PCSK6: variants seen among roughly 807,000 people sequenced by gnomAD.
The protein encoded by PCSK6 is proprotein convertase subtilisin/kexin type 6.
Under a neutral mutation model 123.3 loss-of-function variants are expected in PCSK6, and 85 were observed. The ratio of observed to expected loss-of-function variants is 0.69; its 90% CI spans 0.58 to 0.83. PCSK6 has a LOEUF of 0.83. PCSK6 is among the 40% of genes least tolerant of loss of function. The probability of loss-of-function intolerance (pLI) is 0.00; values close to 1 mark genes in which losing one functional copy is unlikely to be tolerated. For missense variants in PCSK6, 1,191 were observed against 1,282.3 expected (o/e 0.93, Z 1.09); for synonymous variants, 508 against 516.0 (o/e 0.98, Z 0.21).
intron 18 of PCSK6, among the ~76,000 whole-genome samples, chr15:101,321,539 C>A (rs991471902): frequency 3.3e-5 from 5 of 152,234 alleles, no homozygotes; most frequent in African/African-American, 1.2e-4. Context: ...CTGGTGCAAG[C>A]CCCTGGAATA....
At chr15:101,444,306 A>G (rs977458019) in intron 1 of PCSK6, among the ~76,000 whole-genome samples, 2 of 152,288 alleles carry the variant, frequency 1.3e-5, no homozygotes, top group African/African-American at 2.4e-5. Context: ...CTGGCCTTCA[A>G]GAAGGGCTGG....
chr15:101,344,744 T>C (rs2040692121), intron 13 of PCSK6, among the ~76,000 whole-genome samples: 1 of 152,132 alleles, frequency 6.6e-6, no homozygotes, highest in African/African-American at 2.4e-5. Context: ...CTCTGCCTTC[T>C]AGGTTCCAGT....
chr15:101,342,900 T>C (rs2040649794), intron 13 of PCSK6, among the ~76,000 whole-genome samples: 3 of 130,896 alleles, frequency 2.3e-5, no homozygotes, highest in Non-Finnish European at 4.8e-5. Context: ...AGACTCCGTC[T>C]CAAAAAAAAA....
At chr15:101,334,926 ACTCT>A (rs1472168627) in intron 13 of PCSK6, among the ~76,000 whole-genome samples, 1 of 150,840 alleles carries the variant, frequency 6.6e-6, no homozygotes, top group African/African-American at 2.4e-5. Flanking sequence ...TTATTATTAC[ACTCT>A]CTGTTTGACT....
At chr15:101,451,101 T>C (rs1486837526) in intron 1 of PCSK6, among the ~76,000 whole-genome samples, 1 of 151,832 alleles carries the variant, frequency 6.6e-6, no homozygotes, top group Non-Finnish European at 1.5e-5. Flanking sequence ...TTTCTTTAAA[T>C]GTGAATGTAG....
At chr15:101,358,118 C>A (rs555759229) in intron 13 of PCSK6, among the ~76,000 whole-genome samples, 1 of 152,294 alleles carries the variant, frequency 6.6e-6, no homozygotes, top group African/African-American at 2.4e-5. Flanking sequence ...CACTGCTGAG[C>A]CCCTCTGTGG....
At chr15:101,323,871 A>C (rs1289490385) in intron 17 of PCSK6, among the ~76,000 whole-genome samples, 1 of 152,224 alleles carries the variant, frequency 6.6e-6, no homozygotes, top group Admixed American at 6.5e-5. Context: ...AAGGGCCCAG[A>C]GAGGAGGGCC....
chr15:101,386,985 C>T (rs988809679), intron 9 of PCSK6, among the ~76,000 whole-genome samples: 8 of 152,212 alleles, frequency 5.3e-5, no homozygotes, highest in South Asian at 4.1e-4. Context: ...GAAGCTCACC[C>T]ATGGCGTTAA....
chr15:101,345,743 C>G (rs890745374), intron 13 of PCSK6, among the ~76,000 whole-genome samples: 1 of 152,252 alleles, frequency 6.6e-6, no homozygotes, highest in African/African-American at 2.4e-5. Flanking sequence ...TCTCGGCTCA[C>G]TGCAACCTCC....
At chr15:101,454,047 G>C (rs994460044) in intron 1 of PCSK6, among the ~76,000 whole-genome samples, 1 of 152,246 alleles carries the variant, frequency 6.6e-6, no homozygotes, top group African/African-American at 2.4e-5. Context: ...TCCCCAGAAA[G>C]AAGGGTCAGT....
At chr15:101,347,810 G>A (rs764987270) in intron 13 of PCSK6, 55 of 1,574,750 alleles carry the variant, frequency 3.5e-5, no homozygotes, top group African/African-American at 1.1e-4. Context: ...GAAGCCCATG[G>A]GCTGAAGCTT....
At chr15:101,314,188 A>ATC (rs2039935341) in intron 19 of PCSK6, among the ~76,000 whole-genome samples, 1 of 152,218 alleles carries the variant, frequency 6.6e-6, no homozygotes, top group African/African-American at 2.4e-5. Flanking sequence ...CAGGGAGGAG[A>ATC]GACTCGAAGA....
chr15:101,358,914 G>A (rs1162190002), intron 13 of PCSK6, among the ~76,000 whole-genome samples: 1 of 152,238 alleles, frequency 6.6e-6, no homozygotes, highest in African/African-American at 2.4e-5. Flanking sequence ...AGTTGCAACT[G>A]CAGTGTCCCA....
intron 1 of PCSK6, among the ~76,000 whole-genome samples, chr15:101,468,851 G>A (rs1471078609): frequency 1.3e-5 from 2 of 152,154 alleles, no homozygotes; most frequent in African/African-American, 2.4e-5. Context: ...CTCGTCTCAC[G>A]GAGGTTTAAG....
At position 101,467,882 on chromosome 15, in the gene PCSK6, G is replaced by A. The variant is rs114888035; in HGVS notation, c.297+21492C>T. Among the ~76,000 whole-genome samples, 432 of 152,286 alleles carry A rather than the reference G, an allele frequency of 2.8e-3. 3 individuals are homozygous for A. Among genetic ancestry groups the A allele is most frequent in the African/African-American group, 8.3e-3 (346 of 41,562 alleles). The stretch of plus-strand genomic sequence containing the variant: ...AGCCACGCGGACAGTGGCTTCCTGC[G>A]GGAGCCGGAGGTGTCTGGCAGGTGG... On this transcript the variant is annotated intron_variant, in intron 1 of 21. Transcript: ENST00000611716.
chr15:101,458,209 G>T (rs549534567), intron 1 of PCSK6, among the ~76,000 whole-genome samples: 1 of 152,296 alleles, frequency 6.6e-6, no homozygotes, highest in South Asian at 2.1e-4. Flanking sequence ...CAACCAGCAA[G>T]TTCACCCAAC....
In PCSK6 at chr15:101,414,587, TA is replaced by T. The variant is rs1249229637; in HGVS notation, c.823+13304del. ...GAAAGAGTTAAGTACTGATTAGCGC[TA>T]AACACTGTAGAGAAACATAAGTCCC... On this transcript the variant is annotated intron_variant, in intron 6 of 21. Transcript: ENST00000611716. Among the ~76,000 whole-genome samples, 5 of 152,286 alleles carry T rather than the reference TA, an allele frequency of 3.3e-5. No individual in the cohort carries two copies. The East Asian group carries it at 9.6e-4, about 29-fold the overall frequency.
chr15:101,413,027 G>GAGGAGT (rs2055757163), intron 6 of PCSK6, among the ~76,000 whole-genome samples: 1 of 150,538 alleles, frequency 6.6e-6, no homozygotes, highest in Admixed American at 6.6e-5. Context: ...GGAGGAGGAG[G>GAGGAGT]AGGAGGAGGA....
intron 13 of PCSK6, among the ~76,000 whole-genome samples, chr15:101,338,904 G>A (rs1457599306): frequency 6.6e-6 from 1 of 152,148 alleles, no homozygotes; most frequent in Non-Finnish European, 1.5e-5. Context: ...GCCAACTGAG[G>A]CTGCCAGTAA....
Sources: allele counts gnomAD v4.1 joint callset (sites outside exome capture counted in the v4.1 genomes callset), GRCh38; gene constraint gnomAD v4.1.1; transcripts MANE v1.5; gene names NCBI Gene and HGNC (gene_info 2026-07-23, HGNC 2026-07-21).